LPA: variants seen among roughly 807,000 people sequenced by gnomAD.
LPA encodes the protein lipoprotein(a).
Under a neutral mutation model 197.9 loss-of-function variants are expected in LPA, and 199 were observed. That is an observed-to-expected ratio of 1.01 (90% CI 0.90 to 1.13). The LOEUF (loss-of-function observed/expected upper bound fraction) is 1.13, where lower values mean the gene tolerates loss of function less well. Ranked by LOEUF, LPA falls within the 50% of genes most tolerant of loss-of-function variation. The pLI is 0.00. For synonymous variants in LPA, 715 were observed against 639.5 expected, an observed-to-expected ratio of 1.12 and a Z score of -1.78; for missense variants, 1,853 against 1,785.8, an observed-to-expected ratio of 1.04 and a Z score of -0.68.
At chr6:160,569,804 C>A (rs1303616625) in intron 28 of LPA, among the ~76,000 whole-genome samples, 1 of 152,034 alleles carries the variant, frequency 6.6e-6, no homozygotes, top group Non-Finnish European at 1.5e-5. Flanking sequence ...ATCAAACAAC[C>A]CCATCAAAAA....
chr6:160,537,899 G>A lies in LPA; in HGVS notation c.5798C>T (p.Thr1933Ile). Residue 1933 changes from threonine (T) to isoleucine (I), a missense_variant, in exon 37 of 39, where the codon ACC becomes ATC. Thr to Ile is a moderately conservative substitution (Grantham distance 89). Transcript: ENST00000316300. ...ACLPSPDYMV[T>I]ARTECYITGW... The stretch of plus-strand genomic sequence containing the variant: ...AGTGATGTAACATTCAGTCCTGGCG[G>A]TGACCATGTAGTCTGGGGATGGCAG... 6.2e-7 allele frequency: 1 copy of A among 1,614,232 alleles called. No homozygotes were observed.
At chr6:160,599,056 C>T (rs1364931837) in intron 20 of LPA, among the ~76,000 whole-genome samples, 3 of 152,164 alleles carry the variant, frequency 2.0e-5, no homozygotes, top group Non-Finnish European at 2.9e-5. Context: ...TAAAAAATGT[C>T]TTCTCAGCCA....
intron 16 of LPA, among the ~76,000 whole-genome samples, chr6:160,610,477 G>C (rs1157446776): frequency 1.3e-5 from 2 of 152,164 alleles, no homozygotes; most frequent in African/African-American, 2.4e-5. Context: ...ATAACACAGA[G>C]TGCTATGTGA....
intron 23 of LPA, 151 bp downstream of exon 23, chr6:160,590,793 G>A: frequency 9.2e-7 from 1 of 1,092,062 alleles, no homozygotes; most frequent in Non-Finnish European, 1.3e-6. Context: ...GGTTCCCCCA[G>A]AGAAGGCGCT....
At chr6:160,653,623 TC>T (rs1780045016) in intron 1 of LPA, among the ~76,000 whole-genome samples, 1 of 151,724 alleles carries the variant, frequency 6.6e-6, no homozygotes, top group Non-Finnish European at 1.5e-5. Context: ...ATATCAAGCC[TC>T]CTGAAACAAT....
At chr6:160,599,035 G>C (rs999524280) in intron 20 of LPA, among the ~76,000 whole-genome samples, 1 of 152,120 alleles carries the variant, frequency 6.6e-6, no homozygotes, top group African/African-American at 2.4e-5. Context: ...TAGGAGGAAG[G>C]AGAGCCAGCT....
chr6:160,654,005 ATATATAT>A lies in LPA; in HGVS notation c.50-3515_50-3509del, dbSNP rs1780066382. Among the ~76,000 whole-genome samples the A allele has an allele frequency of 1.5e-3, 7 of 4,782 alleles. 1 individual carries two copies. The highest frequency in any genetic ancestry group is 3.0e-3 in the Non-Finnish European group (6 of 2,014). The allele number at this position is 4,782 out of a possible 152,430, so 3.1% of individuals were successfully genotyped here. ...TAATATATAATATATATTATATATA[ATATATAT>A]TATATATAATATATAATATATATTA... is the stretch of plus-strand genomic sequence containing the variant. On this transcript the variant is annotated intron_variant, in intron 1 of 38. Transcript: ENST00000316300.
intron 32 of LPA, 124 bp downstream of exon 32, chr6:160,547,665 C>T: frequency 7.3e-7 from 1 of 1,367,600 alleles, no homozygotes; most frequent in South Asian, 1.2e-5. Context: ...GCTGCTTGCA[C>T]TTTCCATGCT....
At chr6:160,587,780 T>G (rs190606383) in intron 24 of LPA, among the ~76,000 whole-genome samples, 1 of 121,870 alleles carries the variant, frequency 8.2e-6, no homozygotes, top group Admixed American at 7.5e-5. Context: ...TGTGTGTGTG[T>G]GTGTGTGTGT....
At chr6:160,602,319 A>G (rs1227688335) in intron 18 of LPA, among the ~76,000 whole-genome samples, 2 of 152,186 alleles carry the variant, frequency 1.3e-5, no homozygotes, top group Admixed American at 6.5e-5. Flanking sequence ...AGGATTTACA[A>G]TATCCCTTTG....
At chr6:160,563,152 T>C (rs1778391076) in intron 28 of LPA, among the ~76,000 whole-genome samples, 1 of 152,216 alleles carries the variant, frequency 6.6e-6, no homozygotes, top group Non-Finnish European at 1.5e-5. Flanking sequence ...CTTTGAATTG[T>C]GATGTTAGGG....
intron 37 of LPA, 98 bp from the exon 38 acceptor site, chr6:160,532,747 G>T: frequency 1.2e-6 from 1 of 826,994 alleles, no homozygotes; most frequent in Non-Finnish European, 2.1e-6. Flanking sequence ...CCTCCTGTCT[G>T]TCCGTGAGGC....
At chr6:160,607,031 C>T (rs1779370124) in intron 16 of LPA, among the ~76,000 whole-genome samples, 1 of 151,894 alleles carries the variant, frequency 6.6e-6, no homozygotes, top group Non-Finnish European at 1.5e-5. Context: ...TATTCACATA[C>T]AAAAGTATCT....
chr6:160,595,610 G>C (rs1779117582), intron 20 of LPA, 75 bp from the exon 21 acceptor site: 1 of 1,606,640 alleles, frequency 6.2e-7, no homozygotes, highest in African/African-American at 1.3e-5. Context: ...TCTACATTTT[G>C]CTGTAACAAA....
chr6:160,634,638 T>A (rs1418059042), intron 7 of LPA, among the ~76,000 whole-genome samples: 1 of 149,964 alleles, frequency 6.7e-6, no homozygotes, highest in Non-Finnish European at 1.5e-5. Flanking sequence ...TGGGAGCTCA[T>A]ATACTGCTCC....
intron 16 of LPA, among the ~76,000 whole-genome samples, chr6:160,609,655 T>A (rs1274112597): frequency 6.6e-6 from 1 of 152,172 alleles, no homozygotes; most frequent in African/African-American, 2.4e-5. Flanking sequence ...ACTCCCTTGC[T>A]CTTTACTGTG....
Position 160,607,192 on chromosome 6 carries a change from G to A in LPA, c.2604-534C>T, listed in dbSNP as rs1217735688. Among the ~76,000 whole-genome samples, 5 of 151,984 alleles carry A rather than the reference G, an allele frequency of 3.3e-5. No homozygotes were observed. The East Asian group carries it at 5.8e-4, about 18-fold the overall frequency. On this transcript the variant is annotated intron_variant, in intron 16 of 38. Transcript: ENST00000316300. Reference sequence around the variant, plus strand: ...TCACTCTCTATGTACTCAAAACCTCGCGAAAAGGCTCTACTTTTCCCATGG... The same window carrying A: ...TCACTCTCTATGTACTCAAAACCTCACGAAAAGGCTCTACTTTTCCCATGG...
Position 160,577,270 on chromosome 6 carries a change from G to A in LPA, c.4497C>T (p.Val1499=). The stretch of plus-strand genomic sequence containing the variant: ...GTCCATCACCATGGTAGCAATCCTG[G>A]ACCACAGGGCTTTTCTCAGGTGGTG... ...EQAPPEKSPV[V]QDCYHGDGRS... is the part of the protein sequence containing the mutation. Residue 1499 remains valine (V), a synonymous_variant, in exon 28 of 39, where the codon GTC becomes GTT. Coordinates refer to ENST00000316300, the MANE Select transcript of LPA (RefSeq NM_005577.4). 1 of 1,613,692 alleles carries A rather than the reference G, an allele frequency of 6.2e-7. No homozygotes were observed. Among genetic ancestry groups the A allele is most frequent in the Non-Finnish European group, 8.5e-7 (1 of 1,179,766 alleles).
At position 160,600,946 on chromosome 6, in the gene LPA, G is replaced by T; in HGVS notation, c.3098C>A (p.Ala1033Asp). The T allele has an allele frequency of 6.2e-7, 1 of 1,613,120 alleles. No individual in the cohort carries two copies. Among genetic ancestry groups the T allele is most frequent in the Non-Finnish European group, 8.5e-7 (1 of 1,179,974 alleles). ...TAFVPPNVIL[A>D]PSLEAFFEQA... ...TTCAAAAAAAGCCTCTAGGCTTGGA[G>T]CCAGAATAACATTCGGAGGGACGAA... The change falls in exon 19 of 39, where the codon GCT becomes GAT. Residue 1033 changes from alanine (A) to aspartate (D), a missense_variant. By Grantham distance (126) the Ala-to-Asp change is moderately radical (BLOSUM62 -2). Coordinates refer to ENST00000316300, the MANE Select transcript of LPA (RefSeq NM_005577.4).
Sources: allele counts gnomAD v4.1 joint callset (sites outside exome capture counted in the v4.1 genomes callset), GRCh38; gene constraint gnomAD v4.1.1; transcripts MANE v1.5; gene names NCBI Gene and HGNC (gene_info 2026-07-23, HGNC 2026-07-21).